Variants in RPS6KC1 observed in about 807,000 individuals in gnomAD.
RPS6KC1 encodes inactive ribosomal protein S6 kinase delta-1.
Under a neutral mutation model 103.8 loss-of-function variants are expected in RPS6KC1, and 54 were observed. The ratio of observed to expected loss-of-function variants is 0.52; its 90% CI spans 0.42 to 0.65. The LOEUF is 0.65. Ranked by LOEUF, RPS6KC1 falls within the 30% of genes least tolerant of loss-of-function variation. The pLI, the probability that RPS6KC1 is intolerant of heterozygous loss-of-function variation, is 0.00. For missense variants in RPS6KC1, 1,151 were observed against 1,253.8 expected, an observed-to-expected ratio of 0.92 and a Z score of 1.24; for synonymous variants, 439 against 438.7, an observed-to-expected ratio of 1.00 and a Z score of -0.01.
the RPS6KC1 span, among the ~76,000 whole-genome samples, chr1:213,656,032 T>C: frequency 1.3e-5 from 2 of 152,206 alleles, no homozygotes; most frequent in Non-Finnish European, 2.9e-5. Flanking sequence ...GGCTAGCATT[T>C]ATATGGTGGT....
chr1:213,798,122 C>T, the RPS6KC1 span, among the ~76,000 whole-genome samples: 1 of 152,214 alleles, frequency 6.6e-6, no homozygotes, highest in Non-Finnish European at 1.5e-5. Flanking sequence ...CAACTGTGCC[C>T]AGGCTCCCAG....
chr1:213,616,932 C>G, the RPS6KC1 span, among the ~76,000 whole-genome samples: 3 of 152,206 alleles, frequency 2.0e-5, no homozygotes, highest in African/African-American at 7.2e-5. Flanking sequence ...TATCTCTGCT[C>G]TGCCAGTTTT....
the RPS6KC1 span, among the ~76,000 whole-genome samples, chr1:213,669,615 G>T: frequency 2.6e-5 from 4 of 152,072 alleles, no homozygotes; most frequent in Non-Finnish European, 4.4e-5. Context: ...TGTTTGGTGC[G>T]GTTGCCACAA....
chr1:213,661,249 T>A, the RPS6KC1 span, among the ~76,000 whole-genome samples: 1 of 152,200 alleles, frequency 6.6e-6, no homozygotes, highest in Non-Finnish European at 1.5e-5. Flanking sequence ...CTACGTGAAC[T>A]GGGTGAGTCC....
chr1:213,298,774 T>A, the RPS6KC1 span, among the ~76,000 whole-genome samples: 1 of 152,224 alleles, frequency 6.6e-6, no homozygotes, highest in Non-Finnish European at 1.5e-5. Context: ...TGTAATTTTT[T>A]AATCCTTTTA....
the RPS6KC1 span, among the ~76,000 whole-genome samples, chr1:213,353,662 T>A: frequency 5.3e-5 from 8 of 152,328 alleles, no homozygotes; most frequent in East Asian, 1.5e-3. Context: ...GCCTTTAATG[T>A]TTCTTTCAGG....
the RPS6KC1 span, among the ~76,000 whole-genome samples, chr1:213,605,438 G>A: frequency 6.6e-6 from 1 of 151,754 alleles, no homozygotes; most frequent in South Asian, 2.1e-4. Flanking sequence ...CTTTGTGGAT[G>A]TAACATTGTT....
Position 213,242,146 on chromosome 1 carries a change from T to TA in RPS6KC1, c.2676dup (p.Leu893IlefsTer20). 6.2e-7 allele frequency: 1 copy of TA among 1,613,826 alleles called. No individual in the cohort carries two copies. The highest frequency in any genetic ancestry group is 8.5e-7 in the Non-Finnish European group (1 of 1,179,828). Reference sequence around the variant, plus strand: ...TACATCAGATTTTTGAGGACCTTGATAAAAAATTAGCACTAGCCTCCAGGT... The same window carrying TA: ...TACATCAGATTTTTGAGGACCTTGATAAAAAAATTAGCACTAGCCTCCAGGT... On this transcript the variant is annotated frameshift_variant, in exon 11 of 15. Coordinates refer to ENST00000366960, the MANE Select transcript of RPS6KC1 (RefSeq NM_012424.6). LOFTEE classifies it high-confidence loss of function.
intron 1 of RPS6KC1, among the ~76,000 whole-genome samples, chr1:213,054,074 G>A (rs1325775028): frequency 6.6e-6 from 1 of 152,122 alleles, no homozygotes; most frequent in African/African-American, 2.4e-5. Flanking sequence ...GACCTCAGGT[G>A]ATCCACCCAC....
the RPS6KC1 span, among the ~76,000 whole-genome samples, chr1:213,798,733 A>G: frequency 6.6e-6 from 1 of 152,236 alleles, no homozygotes; most frequent in African/African-American, 2.4e-5. Context: ...GCAGTTCTGC[A>G]GAAAGAGGGC....
chr1:213,708,065 C>G, the RPS6KC1 span, among the ~76,000 whole-genome samples: 1 of 152,066 alleles, frequency 6.6e-6, no homozygotes. Context: ...GTAGTTTTTC[C>G]AATTCTGTGA....
intron 6 of RPS6KC1, among the ~76,000 whole-genome samples, chr1:213,133,546 G>A (rs941190057): frequency 1.3e-5 from 2 of 152,120 alleles, no homozygotes; most frequent in Non-Finnish European, 2.9e-5. Flanking sequence ...CACCTAGTTA[G>A]CAAGAATAAT....
the RPS6KC1 span, among the ~76,000 whole-genome samples, chr1:213,287,233 TGTGTGTGTG>T: frequency 9.4e-3 from 2 of 212 alleles, no homozygotes; most frequent in African/African-American, 0.04. Context: ...GCCTATACAA[TGTGTGTGTG>T]TGTGTGTGTG....
chr1:213,095,138 C>T (rs2081331781), intron 3 of RPS6KC1, among the ~76,000 whole-genome samples: 1 of 152,126 alleles, frequency 6.6e-6, no homozygotes, highest in Non-Finnish European at 1.5e-5. Context: ...CCCCAGTGTT[C>T]CCAATGGTAT....
the RPS6KC1 span, among the ~76,000 whole-genome samples, chr1:213,300,251 G>A: frequency 1.3e-5 from 2 of 152,022 alleles, no homozygotes; most frequent in Non-Finnish European, 2.9e-5. Flanking sequence ...ATTCTTTCAG[G>A]TCTTCAGCTG....
the RPS6KC1 span, among the ~76,000 whole-genome samples, chr1:213,797,242 T>C: frequency 3.3e-5 from 5 of 152,252 alleles, no homozygotes; most frequent in African/African-American, 1.2e-4. Context: ...TACTCTCTTA[T>C]AATTTGAAGT....
At chr1:213,751,790 A>C in the RPS6KC1 span, among the ~76,000 whole-genome samples, 1 of 152,224 alleles carries the variant, frequency 6.6e-6, no homozygotes. Flanking sequence ...TTCCCATCTT[A>C]GGGAGTTGGT....
At chr1:213,679,891 A>G in the RPS6KC1 span, among the ~76,000 whole-genome samples, 1 of 152,226 alleles carries the variant, frequency 6.6e-6, no homozygotes, top group Non-Finnish European at 1.5e-5. Context: ...TAGAGTGCTT[A>G]GTTGTAGATA....
intron 8 of RPS6KC1, among the ~76,000 whole-genome samples, chr1:213,212,998 C>A (rs572609412): frequency 6.6e-6 from 1 of 152,182 alleles, no homozygotes; most frequent in Non-Finnish European, 1.5e-5. Context: ...TAAATATTTT[C>A]TCTCTGGCAG....
Sources: gnomAD v4.1 joint callset for allele counts (sites outside exome capture counted in the v4.1 genomes callset) on GRCh38, gnomAD v4.1.1 for gene constraint, MANE v1.5 for transcripts, NCBI Gene and HGNC (gene_info 2026-07-23, HGNC 2026-07-21) for gene names.